GRIN2A: variants seen among roughly 807,000 people sequenced by gnomAD.
The protein encoded by GRIN2A is glutamate receptor ionotropic, NMDA 2A.
A neutral mutation model predicts 113.4 loss-of-function variants in GRIN2A; 22 were observed. That is an observed-to-expected ratio of 0.19 (90% confidence interval 0.14 to 0.28). GRIN2A has a LOEUF of 0.28. Ranked by LOEUF, GRIN2A falls within the 10% of genes least tolerant of loss-of-function variation. GRIN2A has a pLI of 1.00. For missense variants in GRIN2A, 1,502 were observed against 1,887.0 expected, an observed-to-expected ratio of 0.80 and a Z score of 3.78; for synonymous variants, 827 against 738.4, an observed-to-expected ratio of 1.12 and a Z score of -1.94.
chr16:9,895,294 T>G (rs1043266004), intron 3 of GRIN2A, among the ~76,000 whole-genome samples: 1 of 152,162 alleles, frequency 6.6e-6, no homozygotes, highest in African/African-American at 2.4e-5. Context: ...GAAGGAAAAG[T>G]TGAGCAGCTC....
At chr16:9,815,257 A>AT (rs199706477) in intron 10 of GRIN2A, among the ~76,000 whole-genome samples, 1 of 151,604 alleles carries the variant, frequency 6.6e-6, no homozygotes, top group Non-Finnish European at 1.5e-5. Flanking sequence ...TACTCCCTAA[A>AT]TTTTTTTTTA....
intron 2 of GRIN2A, among the ~76,000 whole-genome samples, chr16:10,126,707 CT>C (rs756751457): frequency 6.6e-5 from 10 of 152,110 alleles, no homozygotes; most frequent in African/African-American, 9.7e-5. Context: ...TGTTAATTTT[CT>C]TTATGTTATT....
chr16:9,917,909 G>C (rs916021038), intron 3 of GRIN2A, among the ~76,000 whole-genome samples: 4 of 152,182 alleles, frequency 2.6e-5, no homozygotes, highest in African/African-American at 9.7e-5. Flanking sequence ...GCCCCAGGGA[G>C]TTGGAATAAT....
intron 11 of GRIN2A, among the ~76,000 whole-genome samples, chr16:9,786,984 A>G (rs1385409525): frequency 6.6e-6 from 1 of 152,326 alleles, no homozygotes. Context: ...ATTCCATGCT[A>G]TATAACATGG....
intron 3 of GRIN2A, among the ~76,000 whole-genome samples, chr16:9,934,764 C>T (rs1300606079): frequency 6.7e-6 from 1 of 148,856 alleles, no homozygotes; most frequent in African/African-American, 2.5e-5. Flanking sequence ...CTTTCTCTAG[C>T]TCCCTGTCAA....
At chr16:10,122,077 G>A (rs55905124) in intron 2 of GRIN2A, among the ~76,000 whole-genome samples, 99,814 of 151,696 alleles carry the variant, frequency 0.66, 33,066 homozygotes, top group Admixed American at 0.71. Context: ...TTTATTCAGC[G>A]CCCTTCTGGG....
chr16:9,870,723 C>T (rs1297024081), intron 4 of GRIN2A, among the ~76,000 whole-genome samples: 6 of 151,618 alleles, frequency 4.0e-5, no homozygotes, highest in Admixed American at 2.0e-4. Flanking sequence ...CCGCAACCTC[C>T]GCTTCCCAGG....
intron 10 of GRIN2A, among the ~76,000 whole-genome samples, chr16:9,817,160 CTG>C (rs1447956410): frequency 1.3e-5 from 2 of 152,208 alleles, no homozygotes; most frequent in African/African-American, 4.8e-5. Flanking sequence ...CTTGTCTACT[CTG>C]TATATGCCTA....
Position 9,873,815 on chromosome 16 carries a change from C to G in GRIN2A, c.1122+17171G>C, listed in dbSNP as rs117497429. Among the ~76,000 whole-genome samples the G allele has an allele frequency of 5.3e-5, 8 of 152,274 alleles. No individual in the cohort carries two copies. In the East Asian group the frequency reaches 1.3e-3, roughly 26 times the overall value. ...CTTTCCTATGTTAGATCTGCCTGTC[C>G]TAGTTTCTTCAAACACACTTTAATT... On this transcript the variant is annotated intron_variant, in intron 4 of 12. Transcript: ENST00000330684.
chr16:9,792,725 G>A (rs1001752024), intron 11 of GRIN2A, among the ~76,000 whole-genome samples: 2 of 152,140 alleles, frequency 1.3e-5, no homozygotes, highest in Admixed American at 6.5e-5. Flanking sequence ...GTCTATTGGA[G>A]TTTAAAAATA....
chr16:10,163,486 C>T (rs139644812), intron 2 of GRIN2A, among the ~76,000 whole-genome samples: 29 of 152,270 alleles, frequency 1.9e-4, no homozygotes, highest in Non-Finnish European at 2.9e-4. Context: ...ATAAATGACA[C>T]GTGAGATCTC....
At chr16:10,141,265 C>T (rs1263291219) in intron 2 of GRIN2A, among the ~76,000 whole-genome samples, 4 of 151,552 alleles carry the variant, frequency 2.6e-5, no homozygotes, top group Non-Finnish European at 4.4e-5. Context: ...ATAAGGTGGG[C>T]GGATCATGAG....
chr16:9,955,624 C>T (rs1264480123), intron 2 of GRIN2A, among the ~76,000 whole-genome samples: 1 of 152,148 alleles, frequency 6.6e-6, no homozygotes, highest in Non-Finnish European at 1.5e-5. Flanking sequence ...TATGTGTCCA[C>T]CATTTAAACA....
At position 9,829,549 on chromosome 16, in the gene GRIN2A, G is replaced by A; in HGVS notation, c.1881C>T (p.Ser627=). Residue 627 remains serine, a synonymous_variant, in exon 9 of 13, where the codon AGC becomes AGT. Transcript: ENST00000330684. ...VPVQNPKGTT[S]KIMVSVWAFF... ...AGGCCCATACAGATACCATGATCTTGCTGGTGGTCCCTTTAGGATTCTGGA... is the reference window on the plus strand; with the variant it reads ...AGGCCCATACAGATACCATGATCTTACTGGTGGTCCCTTTAGGATTCTGGA... 1.9e-6 allele frequency: 3 copies of A among 1,613,712 alleles called. No homozygotes were observed. Among genetic ancestry groups the A allele is most frequent in the Non-Finnish European group, 2.5e-6 (3 of 1,179,622 alleles).
chr16:9,854,800 A>C (rs1230006417), intron 4 of GRIN2A, among the ~76,000 whole-genome samples: 1 of 152,194 alleles, frequency 6.6e-6, no homozygotes, highest in Non-Finnish European at 1.5e-5. Context: ...CAGTGCTTCC[A>C]GGAGTAAGGT....
chr16:10,013,495 G>A (rs1334700318), intron 2 of GRIN2A, among the ~76,000 whole-genome samples: 2 of 152,156 alleles, frequency 1.3e-5, no homozygotes, highest in Non-Finnish European at 2.9e-5. Context: ...TCTTCCCTGC[G>A]GGACAGTAAC....
intron 3 of GRIN2A, among the ~76,000 whole-genome samples, chr16:9,920,391 G>T (rs2044336116): frequency 6.6e-6 from 1 of 152,088 alleles, no homozygotes; most frequent in African/African-American, 2.4e-5. Context: ...TCCCAGTCCT[G>T]CATTCAGAGT....
intron 2 of GRIN2A, among the ~76,000 whole-genome samples, chr16:9,980,486 G>A (rs1313512207): frequency 6.6e-6 from 1 of 151,968 alleles, no homozygotes; most frequent in Non-Finnish European, 1.5e-5. Flanking sequence ...CCCATTACTG[G>A]GTATATACCC....
chr16:10,106,215 T>TC (rs1446752975), intron 2 of GRIN2A, among the ~76,000 whole-genome samples: 1 of 151,100 alleles, frequency 6.6e-6, no homozygotes, highest in East Asian at 1.9e-4. Flanking sequence ...GGGAAGTGTT[T>TC]TTTTTTTTCT....
Sources: allele counts gnomAD v4.1 joint callset (sites outside exome capture counted in the v4.1 genomes callset), GRCh38; gene constraint gnomAD v4.1.1; transcripts MANE v1.5; gene names NCBI Gene and HGNC (gene_info 2026-07-23, HGNC 2026-07-21).